Variants in MAF observed in about 807,000 individuals in gnomAD.
The protein encoded by MAF is transcription factor Maf.
In MAF, 10 loss-of-function variants were observed where a neutral mutation model predicts 22.0. The ratio of observed to expected loss-of-function variants is 0.45; its 90% CI spans 0.28 to 0.77. MAF has a LOEUF of 0.77. Among genes scored for constraint, MAF ranks in the 30% least tolerant of loss-of-function variants. MAF has a pLI of 0.12. For synonymous variants in MAF, 337 were observed against 255.8 expected (o/e 1.32, Z -3.03); for missense variants, 544 against 548.4 (o/e 0.99, Z 0.08).
the MAF span, among the ~76,000 whole-genome samples, chr16:79,219,943 G>A: frequency 6.6e-6 from 1 of 152,124 alleles, no homozygotes; most frequent in Non-Finnish European, 1.5e-5. Context: ...GTTAATCTTG[G>A]AAATAACTGG....
the MAF span, among the ~76,000 whole-genome samples, chr16:79,460,428 A>G: frequency 1.5e-3 from 225 of 152,326 alleles, no homozygotes; most frequent in African/African-American, 5.3e-3. Context: ...TTCATAATAT[A>G]CTAAACTCTC....
the MAF span, among the ~76,000 whole-genome samples, chr16:79,411,004 C>T: frequency 2.0e-5 from 3 of 152,178 alleles, no homozygotes; most frequent in Non-Finnish European, 4.4e-5. Context: ...ACCTTAAATG[C>T]CCTCACTAGT....
At chr16:79,466,574 T>C in the MAF span, among the ~76,000 whole-genome samples, 1 of 152,220 alleles carries the variant, frequency 6.6e-6, no homozygotes. Context: ...GGTTGGCACC[T>C]TCAGCTGCAT....
chr16:79,400,235 G>C, the MAF span, among the ~76,000 whole-genome samples: 1 of 152,192 alleles, frequency 6.6e-6, no homozygotes, highest in Non-Finnish European at 1.5e-5. Flanking sequence ...CCACAGTTGA[G>C]AGGCCCTGGG....
At chr16:79,445,102 C>A in the MAF span, among the ~76,000 whole-genome samples, 1 of 152,108 alleles carries the variant, frequency 6.6e-6, no homozygotes, top group Admixed American at 6.5e-5. Context: ...GGCACAATCT[C>A]GGCTCACTGC....
At chr16:79,343,928 C>A in the MAF span, among the ~76,000 whole-genome samples, 3 of 152,284 alleles carry the variant, frequency 2.0e-5, no homozygotes, top group Non-Finnish European at 2.9e-5. Flanking sequence ...TAGGTGAAAT[C>A]AATGTGATGT....
chr16:79,277,382 T>A, the MAF span, among the ~76,000 whole-genome samples: 72 of 152,348 alleles, frequency 4.7e-4, 2 homozygotes, highest in East Asian at 0.012. Flanking sequence ...ATGACTTTGT[T>A]ACAGGACTGT....
chr16:79,504,474 A>G, the MAF span, among the ~76,000 whole-genome samples: 2 of 152,236 alleles, frequency 1.3e-5, no homozygotes, highest in Non-Finnish European at 2.9e-5. Flanking sequence ...AAAAACAAGT[A>G]TCTTATTGGG....
At chr16:79,311,970 G>C in the MAF span, among the ~76,000 whole-genome samples, 1 of 152,108 alleles carries the variant, frequency 6.6e-6, no homozygotes, top group African/African-American at 2.4e-5. Flanking sequence ...GGGCTTGGGA[G>C]GGGGAGTTGC....
chr16:79,528,300 A>G, the MAF span, among the ~76,000 whole-genome samples: 10 of 152,152 alleles, frequency 6.6e-5, no homozygotes, highest in African/African-American at 2.4e-4. Context: ...TAGCAATGGT[A>G]TGATGTTCTA....
chr16:79,380,170 G>C, the MAF span, among the ~76,000 whole-genome samples: 1 of 152,028 alleles, frequency 6.6e-6, no homozygotes, highest in Non-Finnish European at 1.5e-5. Context: ...AAAAATCCCA[G>C]TTTCCTATTG....
At position 79,599,682 on chromosome 16, in the gene MAF, G is replaced by C; in HGVS notation, c.221C>G (p.Ser74Trp). The change falls in exon 1 of 2, where the codon TCG becomes TGG. Residue 74 changes from serine to tryptophan, a missense_variant. Coordinates refer to ENST00000326043, the MANE Select transcript of MAF (RefSeq NM_005360.5). ...GCTGCCCGAGCCCGGGCTGGGCGCC[G>C]AGAAGCTGGGGGAAGGGGGCACCGA... Reference protein sequence around the residue: ...CSSVPPSPSFSAPSPGSGSEQ... With the variant: ...CSSVPPSPSFWAPSPGSGSEQ... 6.2e-7 allele frequency: 1 copy of C among 1,612,210 alleles called. No homozygotes were observed. The highest frequency in any genetic ancestry group is 8.5e-7 in the Non-Finnish European group (1 of 1,179,646).
At chr16:79,303,834 G>A in the MAF span, among the ~76,000 whole-genome samples, 1 of 152,120 alleles carries the variant, frequency 6.6e-6, no homozygotes, top group East Asian at 1.9e-4. Context: ...CTCACTTCAT[G>A]TTTAGGATCT....
chr16:79,502,724 T>A, the MAF span, among the ~76,000 whole-genome samples: 39 of 94,864 alleles, frequency 4.1e-4, no homozygotes, highest in Admixed American at 9.0e-4. Flanking sequence ...TATATATATA[T>A]ATATATATAT....
At chr16:79,552,398 G>C in the MAF span, among the ~76,000 whole-genome samples, 2 of 152,006 alleles carry the variant, frequency 1.3e-5, no homozygotes, top group African/African-American at 4.8e-5. Context: ...CTGTAGAGAT[G>C]AGATCTTGCT....
chr16:79,209,586 G>T, the MAF span, among the ~76,000 whole-genome samples: 3 of 152,142 alleles, frequency 2.0e-5, no homozygotes, highest in South Asian at 6.2e-4. Flanking sequence ...AAGTCACTTG[G>T]CCACTCTGGT....
At chr16:79,216,247 A>G in the MAF span, among the ~76,000 whole-genome samples, 2 of 152,232 alleles carry the variant, frequency 1.3e-5, no homozygotes, top group African/African-American at 4.8e-5. Flanking sequence ...GTATATGTAC[A>G]TGTATGCATG....
chr16:79,519,591 G>C, the MAF span, among the ~76,000 whole-genome samples: 1 of 152,170 alleles, frequency 6.6e-6, no homozygotes, highest in Non-Finnish European at 1.5e-5. Flanking sequence ...GCTTGTCATC[G>C]GTAACCATCC....
At chr16:79,441,745 G>C in the MAF span, among the ~76,000 whole-genome samples, 1 of 152,184 alleles carries the variant, frequency 6.6e-6, no homozygotes, top group Non-Finnish European at 1.5e-5. Context: ...GATGTTTTGG[G>C]GGGTTCGGTG....
Sources: allele counts gnomAD v4.1 joint callset (sites outside exome capture counted in the v4.1 genomes callset), GRCh38; gene constraint gnomAD v4.1.1; transcripts MANE v1.5; gene names NCBI Gene and HGNC (gene_info 2026-07-23, HGNC 2026-07-21).